The following CDH18 variants were observed in gnomAD, a reference collection of about 807,000 sequenced individuals.
The protein encoded by CDH18 is cadherin-18.
A neutral mutation model predicts 67.9 loss-of-function variants in CDH18; 31 were observed. The observed-to-expected ratio is 0.46, with a 90% CI of 0.34 to 0.62. The LOEUF (loss-of-function observed/expected upper bound fraction) is 0.62, where lower values mean the gene tolerates loss of function less well. CDH18 is among the 20% of genes least tolerant of loss of function. The pLI is 0.01. For missense variants in CDH18, 890 were observed against 975.5 expected (o/e 0.91, Z 1.17); for synonymous variants, 362 against 347.2 (o/e 1.04, Z -0.48).
chr5:20,334,131 C>CTTTTTT (rs34609844), intron 1 of CDH18, among the ~76,000 whole-genome samples: 3 of 81,656 alleles, frequency 3.7e-5, no homozygotes, highest in African/African-American at 5.2e-5. Context: ...GACTTGAATT[C>CTTTTTT]TTTTTTTTTT....
At chr5:20,315,925 G>C (rs149354462) in intron 1 of CDH18, among the ~76,000 whole-genome samples, 1 of 152,134 alleles carries the variant, frequency 6.6e-6, no homozygotes, top group Non-Finnish European at 1.5e-5. Flanking sequence ...TGTTTTTCAT[G>C]ACTTCATTCC....
chr5:20,271,848 A>T (rs1488962489), intron 1 of CDH18, among the ~76,000 whole-genome samples: 1 of 151,090 alleles, frequency 6.6e-6, no homozygotes, highest in African/African-American at 2.4e-5. Context: ...GTATGGGAGA[A>T]TGTTTCTTAT....
chr5:19,704,513 G>T (rs1482132804), intron 5 of CDH18, among the ~76,000 whole-genome samples: 1 of 152,148 alleles, frequency 6.6e-6, no homozygotes, highest in Non-Finnish European at 1.5e-5. Flanking sequence ...AGAGGGGTAT[G>T]TCCCTGGTAT....
In CDH18 at chr5:19,471,823, T is replaced by C. The variant is rs1041265896; in HGVS notation, c.*1403A>G. On this transcript the variant is annotated 3_prime_UTR_variant, in exon 13 of 13. Transcript: ENST00000382275. Reference sequence around the variant, plus strand: ...TCCTGTGATAATATTTTATGCCAGATGCATGTAAATATATATTTATAAGCT... The same window carrying C: ...TCCTGTGATAATATTTTATGCCAGACGCATGTAAATATATATTTATAAGCT... Among the ~76,000 whole-genome samples, 5 of 152,210 alleles carry C rather than the reference T, an allele frequency of 3.3e-5. No individual in the cohort carries two copies. Among genetic ancestry groups the C allele is most frequent in the African/African-American group, 1.2e-4 (5 of 41,460 alleles).
intron 3 of CDH18, among the ~76,000 whole-genome samples, chr5:19,756,915 A>G (rs1771680333): frequency 6.6e-6 from 1 of 152,180 alleles, no homozygotes; most frequent in Non-Finnish European, 1.5e-5. Flanking sequence ...GAAACAGTAC[A>G]ATATAGCGGA....
chr5:19,481,463 G>C (rs1402649822), intron 12 of CDH18, among the ~76,000 whole-genome samples: 2 of 152,150 alleles, frequency 1.3e-5, no homozygotes, highest in Non-Finnish European at 2.9e-5. Flanking sequence ...GTGTCGAAGG[G>C]AGACAAGGGC....
At chr5:19,564,762 G>C (rs1172892918) in intron 8 of CDH18, among the ~76,000 whole-genome samples, 1 of 152,124 alleles carries the variant, frequency 6.6e-6, no homozygotes, top group African/African-American at 2.4e-5. Flanking sequence ...GGCTCCTGGG[G>C]TCCCTGATTC....
intron 11 of CDH18, among the ~76,000 whole-genome samples, chr5:19,491,354 G>T (rs1366881058): frequency 1.3e-5 from 2 of 152,100 alleles, no homozygotes; most frequent in African/African-American, 4.8e-5. Context: ...AAACCCTGTG[G>T]ATAAAAACAA....
intron 2 of CDH18, among the ~76,000 whole-genome samples, chr5:20,169,233 C>T (rs1736516277): frequency 6.6e-6 from 1 of 152,066 alleles, no homozygotes; most frequent in Admixed American, 6.6e-5. Context: ...TGTATCAATA[C>T]ATCTCATGTA....
At chr5:20,227,845 A>C (rs897105547) in intron 2 of CDH18, among the ~76,000 whole-genome samples, 11 of 151,832 alleles carry the variant, frequency 7.2e-5, no homozygotes, top group Admixed American at 1.3e-4. Flanking sequence ...AAATAAGCAC[A>C]AACCTTCTTA....
chr5:19,776,556 T>C (rs1307576996), intron 3 of CDH18, among the ~76,000 whole-genome samples: 2 of 152,146 alleles, frequency 1.3e-5, no homozygotes, highest in Non-Finnish European at 2.9e-5. Context: ...GATAGTACTA[T>C]GATCAAATTA....
chr5:20,163,308 T>C (rs11743185), intron 2 of CDH18, among the ~76,000 whole-genome samples: 9,393 of 152,148 alleles, frequency 0.062, 326 homozygotes, highest in East Asian at 0.14. Context: ...TCCAATATTA[T>C]GCTTATAATT....
intron 2 of CDH18, among the ~76,000 whole-genome samples, chr5:19,900,083 T>C (rs1378711529): frequency 2.6e-5 from 4 of 152,180 alleles, no homozygotes; most frequent in Non-Finnish European, 5.9e-5. Context: ...TAGAATTATG[T>C]AGTCATACAT....
chr5:20,065,642 C>T (rs112611117), intron 2 of CDH18, among the ~76,000 whole-genome samples: 7 of 152,038 alleles, frequency 4.6e-5, no homozygotes, highest in South Asian at 2.1e-4. Context: ...CATTTGCCTA[C>T]GTTTGGGCAA....
At chr5:20,389,711 G>A (rs995347028) in intron 1 of CDH18, among the ~76,000 whole-genome samples, 9 of 152,110 alleles carry the variant, frequency 5.9e-5, no homozygotes, top group Admixed American at 1.3e-4. Context: ...CAAAGCTGGA[G>A]GCATCACGCT....
intron 3 of CDH18, among the ~76,000 whole-genome samples, chr5:19,809,281 T>C (rs1778381098): frequency 1.3e-5 from 2 of 152,120 alleles, no homozygotes; most frequent in South Asian, 4.1e-4. Context: ...CCAGTGCCTC[T>C]GGGGAAAATT....
intron 10 of CDH18, among the ~76,000 whole-genome samples, chr5:19,513,127 A>C (rs1252958560): frequency 6.6e-6 from 1 of 151,970 alleles, no homozygotes; most frequent in African/African-American, 2.4e-5. Context: ...TTATTTTCTG[A>C]GACAAGGTCT....
intron 1 of CDH18, among the ~76,000 whole-genome samples, chr5:20,566,831 C>T (rs1046118728): frequency 6.6e-5 from 10 of 152,058 alleles, no homozygotes; most frequent in South Asian, 6.2e-4. Flanking sequence ...AGACAGTTAC[C>T]GCTTGGTTAC....
At chr5:19,548,185 A>C (rs1350861184) in intron 8 of CDH18, among the ~76,000 whole-genome samples, 2 of 152,130 alleles carry the variant, frequency 1.3e-5, no homozygotes, top group Non-Finnish European at 2.9e-5. Context: ...TTTTACAAAT[A>C]ATTAATTTGA....
Sources: allele counts gnomAD v4.1 joint callset (sites outside exome capture counted in the v4.1 genomes callset), GRCh38; gene constraint gnomAD v4.1.1; transcripts MANE v1.5; gene names NCBI Gene and HGNC (gene_info 2026-07-23, HGNC 2026-07-21).